PDE4D: variants seen among roughly 807,000 people sequenced by gnomAD.
PDE4D encodes 3',5'-cyclic-AMP phosphodiesterase 4D.
Under a neutral mutation model 87.4 loss-of-function variants are expected in PDE4D, and 24 were observed. The observed-to-expected ratio is 0.27, with a 90% CI of 0.20 to 0.39. The LOEUF is 0.39. Among genes scored for constraint, PDE4D ranks in the 10% least tolerant of loss-of-function variants. The pLI is 1.00. For synonymous variants in PDE4D, 384 were observed against 383.2 expected (o/e 1.00, Z -0.02); for missense variants, 714 against 1,041.0 (o/e 0.69, Z 4.32).
intron 1 of PDE4D, among the ~76,000 whole-genome samples, chr5:60,201,241 T>A (rs1428304368): frequency 6.6e-6 from 1 of 151,256 alleles, no homozygotes; most frequent in African/African-American, 2.4e-5. Flanking sequence ...AGAGTTTTTT[T>A]TTTTAAGTTA....
intron 5 of PDE4D, among the ~76,000 whole-genome samples, chr5:59,137,450 T>C (rs1009141546): frequency 1.3e-5 from 2 of 152,110 alleles, no homozygotes; most frequent in African/African-American, 4.8e-5. Flanking sequence ...TACAGTATTA[T>C]TCATTAGAAA....
At chr5:59,508,668 T>A (rs912481484) in intron 1 of PDE4D, among the ~76,000 whole-genome samples, 1 of 151,662 alleles carries the variant, frequency 6.6e-6, no homozygotes, top group Non-Finnish European at 1.5e-5. Flanking sequence ...TAAAAAAAAA[T>A]ATTTAAGCTG....
intron 1 of PDE4D, among the ~76,000 whole-genome samples, chr5:59,777,064 C>G (rs1764150066): frequency 1.3e-5 from 2 of 152,176 alleles, no homozygotes; most frequent in Admixed American, 1.3e-4. Context: ...ACTCGACTTT[C>G]CACAAACATC....
At chr5:59,053,643 T>A (rs932991272) in intron 5 of PDE4D, among the ~76,000 whole-genome samples, 1 of 105,606 alleles carries the variant, frequency 9.5e-6, no homozygotes, top group Non-Finnish European at 1.9e-5. Flanking sequence ...GTTTTGTTTT[T>A]TGTTTTTTTT....
chr5:60,479,947 A>G (rs1391635731), intron 1 of PDE4D, among the ~76,000 whole-genome samples: 1 of 152,206 alleles, frequency 6.6e-6, no homozygotes, highest in Non-Finnish European at 1.5e-5. Flanking sequence ...CTTACAGCCT[A>G]TAGCAAAATA....
chr5:59,622,077 T>C (rs1001567478), intron 1 of PDE4D, among the ~76,000 whole-genome samples: 1 of 152,184 alleles, frequency 6.6e-6, no homozygotes, highest in Non-Finnish European at 1.5e-5. Context: ...TGCCAGAAGT[T>C]AAACCTGAAA....
intron 2 of PDE4D, among the ~76,000 whole-genome samples, chr5:60,181,219 A>G (rs575567164): frequency 1.3e-3 from 198 of 152,268 alleles, no homozygotes; most frequent in African/African-American, 4.4e-3. Context: ...ACTGCTTCTA[A>G]AAACTCAGCA....
At chr5:60,071,735 C>T (rs553535267) in intron 2 of PDE4D, among the ~76,000 whole-genome samples, 1 of 152,226 alleles carries the variant, frequency 6.6e-6, no homozygotes, top group East Asian at 1.9e-4. Context: ...GTCTTCTCAT[C>T]ATTTAGCTCC....
intron 2 of PDE4D, among the ~76,000 whole-genome samples, chr5:59,209,701 C>T (rs763943311): frequency 3.9e-5 from 6 of 152,170 alleles, no homozygotes; most frequent in Non-Finnish European, 7.3e-5. Context: ...ATGTCAATTT[C>T]TCATTTTGGA....
At position 59,180,406 on chromosome 5, in the gene PDE4D, G is replaced by A. The variant is rs11749543; in HGVS notation, c.808+189C>T. ...TGTACATCAGTAAAAAACGTAAATC[G>A]GTAAAAATGTTCCAAATAACAGCTT... On this transcript the variant is annotated intron_variant, in intron 5 of 14. Coordinates refer to ENST00000340635, the MANE Select transcript of PDE4D (RefSeq NM_001104631.2). The A allele has an allele frequency of 0.16, 115,838 of 712,558 alleles. 9,936 individuals carry two copies. The highest frequency in any genetic ancestry group is 0.23 in the African/African-American group (13,222 of 57,430). 44.1% of individuals were successfully genotyped at this position (712,558 alleles called of 1,614,324 possible). A position where few individuals can be genotyped will look rare whatever the true frequency, so the allele number is the denominator to read the frequency against.
intron 4 of PDE4D, among the ~76,000 whole-genome samples, chr5:59,181,908 T>C (rs1741690458): frequency 6.6e-6 from 1 of 152,142 alleles, no homozygotes; most frequent in Non-Finnish European, 1.5e-5. Flanking sequence ...GGCATCAATC[T>C]CTTCAAATAT....
intron 1 of PDE4D, among the ~76,000 whole-genome samples, chr5:59,871,672 T>C (rs1747838087): frequency 6.6e-6 from 1 of 152,166 alleles, no homozygotes; most frequent in Non-Finnish European, 1.5e-5. Context: ...AATACACAAA[T>C]GTATACATCC....
At chr5:60,331,118 G>A (rs900570077) in intron 1 of PDE4D, among the ~76,000 whole-genome samples, 1 of 152,190 alleles carries the variant, frequency 6.6e-6, no homozygotes, top group African/African-American at 2.4e-5. Flanking sequence ...GAAAGAACTG[G>A]GAAATTATAA....
At chr5:60,138,934 G>T (rs1386840015) in intron 2 of PDE4D, among the ~76,000 whole-genome samples, 2 of 151,880 alleles carry the variant, frequency 1.3e-5, no homozygotes, top group African/African-American at 4.8e-5. Flanking sequence ...GGGCTGTTTG[G>T]TTTTTTGGGG....
At chr5:59,441,602 C>T (rs1797623764) in intron 1 of PDE4D, among the ~76,000 whole-genome samples, 1 of 152,136 alleles carries the variant, frequency 6.6e-6, no homozygotes, top group Non-Finnish European at 1.5e-5. Context: ...ATGAATCCCA[C>T]ACCCCAGGTG....
At position 60,132,762 on chromosome 5, in the gene PDE4D, C is replaced by A. The variant is rs143093427; in HGVS notation, c.42+52795G>T. ...TATTACTCAAGTAGGGAGGCTGAGG[C>A]AGGAGAATCGCTTGAACCCAGGAGG... On this transcript the variant is annotated intron_variant, in intron 2 of 16. Transcript: ENST00000502484. Among the ~76,000 whole-genome samples the A allele has an allele frequency of 1.1e-3, 163 of 152,118 alleles. 2 individuals carry two copies. The East Asian group carries it at 0.025, about 23-fold the overall frequency.
At chr5:60,430,064 C>G (rs992714749) in intron 1 of PDE4D, 2 of 523,812 alleles carry the variant, frequency 3.8e-6, no homozygotes, top group African/African-American at 3.8e-5. Context: ...TTGGCCCAGA[C>G]AGCTTTGTTG....
At chr5:59,081,093 G>A (rs1766656167) in intron 5 of PDE4D, among the ~76,000 whole-genome samples, 2 of 152,086 alleles carry the variant, frequency 1.3e-5, no homozygotes, top group Admixed American at 6.6e-5. Context: ...AGAACAATGA[G>A]GAAAGAGCAT....
chr5:59,661,453 G>A (rs1254604681), intron 1 of PDE4D, among the ~76,000 whole-genome samples: 1 of 152,120 alleles, frequency 6.6e-6, no homozygotes, highest in Non-Finnish European at 1.5e-5. Context: ...CAGCCCACAT[G>A]CCCTACATTT....
Sources: allele counts gnomAD v4.1 joint callset (sites outside exome capture counted in the v4.1 genomes callset), GRCh38; gene constraint gnomAD v4.1.1; transcripts MANE v1.5; gene names NCBI Gene and HGNC (gene_info 2026-07-23, HGNC 2026-07-21).